The following NT5C2 variants were observed in gnomAD, a reference collection of about 807,000 sequenced individuals.
NT5C2 encodes cytosolic purine 5'-nucleotidase.
Under a neutral mutation model 76.1 loss-of-function variants are expected in NT5C2, and 58 were observed. The ratio of observed to expected loss-of-function variants is 0.76; its 90% confidence interval spans 0.62 to 0.95. The LOEUF (loss-of-function observed/expected upper bound fraction) is 0.95, where lower values mean the gene tolerates loss of function less well. NT5C2 is among the 40% of genes least tolerant of loss of function. NT5C2 has a pLI of 0.00. For synonymous variants in NT5C2, 229 were observed against 237.4 expected (o/e 0.96, Z 0.32); for missense variants, 478 against 690.3 (o/e 0.69, Z 3.45).
intron 4 of NT5C2, among the ~76,000 whole-genome samples, chr10:103,110,671 C>A (rs181528871): frequency 3.3e-4 from 51 of 152,292 alleles, no homozygotes; most frequent in Non-Finnish European, 6.5e-4. Flanking sequence ...CCTGACAACA[C>A]TATTTCATCA....
rs575014194 is a variant in NT5C2 at position 103,184,190 on chromosome 10, G to A, written c.-168-2862C>T. On this transcript the variant is annotated intron_variant, in intron 1 of 18. Coordinates refer to ENST00000404739, the MANE Select transcript of NT5C2 (RefSeq NM_001351169.2). The stretch of plus-strand genomic sequence containing the variant: ...TGGTCTCGAATTCCTGACCTCAAGT[G>A]ATCCACCTGCCTCCCAAAGTGCTGG... 5.3e-5 allele frequency among the ~76,000 whole-genome samples: 8 copies of A among 152,184 alleles called. No homozygotes were observed. The South Asian group carries it at 1.5e-3, about 28-fold the overall frequency.
chr10:103,124,806 G>A (rs1190443158), intron 4 of NT5C2, among the ~76,000 whole-genome samples: 1 of 150,884 alleles, frequency 6.6e-6, no homozygotes, highest in Non-Finnish European at 1.5e-5. Context: ...TCTAGAGTAA[G>A]GATAAAAGTA....
In NT5C2 at chr10:103,089,877, T is replaced by C. The variant is rs749191440; in HGVS notation, c.1481A>G (p.His494Arg). The C allele has an allele frequency of 6.2e-7, 1 of 1,612,082 alleles. No individual in the cohort carries two copies. ...AGACTCCATCTCATTGATATCTACG[T>C]GTGTGTGCTCCACCGTTGATTCATG... ...MPHESTVEHT[H>R]VDINEMESPL... The change falls in exon 19 of 19, where the codon CAC becomes CGC. Residue 494 changes from histidine to arginine, a missense_variant. Physicochemically the swap from His to Arg is conservative, Grantham distance 29. Coordinates refer to ENST00000404739, the MANE Select transcript of NT5C2 (RefSeq NM_001351169.2).
chr10:103,103,871 TGA>T, intron 6 of NT5C2, among the ~76,000 whole-genome samples: 1 of 152,314 alleles, frequency 6.6e-6, no homozygotes, highest in South Asian at 2.1e-4. Context: ...TTTATTTTTT[TGA>T]GATAGGGTCT....
Position 103,090,679 on chromosome 10 carries a change from A to G in NT5C2, c.1381T>C (p.Tyr461His). Reference protein sequence around the residue: ...ASQVMRYADLYAASFINLLYY... With the variant: ...ASQVMRYADLHAASFINLLYY... Reference sequence around the variant, plus strand: ...AGCAGGTTGATGAAAGATGCTGCATAGAGGTCAGCATAACGCATCACTTGA... The same window carrying G: ...AGCAGGTTGATGAAAGATGCTGCATGGAGGTCAGCATAACGCATCACTTGA... The change falls in exon 18 of 19, where the codon TAT becomes CAT. Residue 461 changes from tyrosine (Y) to histidine (H), a missense_variant. By Grantham distance (83) the Tyr-to-His change is moderately conservative (BLOSUM62 2). Coordinates refer to ENST00000404739, the MANE Select transcript of NT5C2 (RefSeq NM_001351169.2). 4 of 1,614,180 alleles carry G rather than the reference A, an allele frequency of 2.5e-6. No individual in the cohort carries two copies. Among genetic ancestry groups the G allele is most frequent in the Non-Finnish European group, 3.4e-6 (4 of 1,180,022 alleles).
intron 4 of NT5C2, among the ~76,000 whole-genome samples, chr10:103,118,528 A>AT (rs371868255): frequency 7.6e-4 from 116 of 151,980 alleles, no homozygotes; most frequent in African/African-American, 2.6e-3. Context: ...TAATTTTTGC[A>AT]TTTTTTGTAG....
chr10:103,190,716 GC>G (rs111244387), intron 1 of NT5C2, among the ~76,000 whole-genome samples: 2,189 of 152,242 alleles, frequency 0.014, 54 homozygotes, highest in African/African-American at 0.049. Flanking sequence ...AAGTATGACT[GC>G]CTTTACTGCT....
chr10:103,091,288 C>T (rs1051370107), intron 16 of NT5C2, among the ~76,000 whole-genome samples: 1 of 152,140 alleles, frequency 6.6e-6, no homozygotes, highest in African/African-American at 2.4e-5. Context: ...AACCCGCCTG[C>T]CTTGGCCTCC....
chr10:103,138,585 T>C (rs946421685), intron 4 of NT5C2, among the ~76,000 whole-genome samples: 2 of 152,194 alleles, frequency 1.3e-5, no homozygotes, highest in Admixed American at 1.3e-4. Context: ...TCTAGCTTCA[T>C]TCATGTCCCT....
intron 12 of NT5C2, 25 bp from the exon 13 acceptor site, chr10:103,094,480 T>C (rs552985660): frequency 4.0e-6 from 5 of 1,243,420 alleles, no homozygotes; most frequent in African/African-American, 1.5e-5. Context: ...ACAGCAAAAG[T>C]TGAAACATCA....
At chr10:103,109,320 A>G (rs1391514241) in intron 4 of NT5C2, among the ~76,000 whole-genome samples, 1 of 152,198 alleles carries the variant, frequency 6.6e-6, no homozygotes, top group East Asian at 1.9e-4. Context: ...TAATAGAGTA[A>G]GAGCTGGTGT....
rs147819307 is a variant in NT5C2 at position 103,144,154 on chromosome 10, C to T, written c.102-4675G>A. ...TAGCTCTAGAAACTAAATGTAACTA[C>T]TGAAGGCTTTTCAAACAGATTCTTA... On this transcript the variant is annotated intron_variant, in intron 3 of 18. Coordinates refer to ENST00000404739, the MANE Select transcript of NT5C2 (RefSeq NM_001351169.2). Among the ~76,000 whole-genome samples the T allele has an allele frequency of 4.9e-4, 74 of 152,260 alleles. 1 individual carries two copies. The highest frequency in any genetic ancestry group is 1.8e-3 in the African/African-American group (74 of 41,542).
At position 103,117,824 on chromosome 10, in the gene NT5C2, C is replaced by G. The variant is rs2074717831; in HGVS notation, c.176-11118G>C. On this transcript the variant is annotated intron_variant, in intron 4 of 18. Transcript: ENST00000404739. ...CCTCCCTGGTGGCACATGTTTGTTC[C>G]TCAACAGGTGATGAATTTAATTGAG... is the stretch of plus-strand genomic sequence containing the variant. Among the ~76,000 whole-genome samples the G allele has an allele frequency of 2.0e-5, 3 of 152,108 alleles. 1 individual carries two copies. The South Asian group carries it at 6.2e-4, about 32-fold the overall frequency.
chr10:103,135,690 A>G (rs2079056186), intron 4 of NT5C2, among the ~76,000 whole-genome samples: 1 of 152,108 alleles, frequency 6.6e-6, no homozygotes, highest in Non-Finnish European at 1.5e-5. Flanking sequence ...CAGGAGGCTG[A>G]GGCAGGAGAA....
chr10:103,178,771 A>C (rs1416412489), intron 2 of NT5C2, among the ~76,000 whole-genome samples: 1 of 148,060 alleles, frequency 6.8e-6, no homozygotes, highest in Non-Finnish European at 1.5e-5. Flanking sequence ...TGGAGGTTGC[A>C]ATGAGCTGAG....
chr10:103,174,814 A>G (rs1377347065), intron 3 of NT5C2, 44 bp downstream of exon 3: 1 of 1,261,560 alleles, frequency 7.9e-7, no homozygotes, highest in South Asian at 1.2e-5. Flanking sequence ...ATGAAGTCCC[A>G]CTTCATAGAG....
At chr10:103,096,844 T>TC (rs2068318284) in intron 11 of NT5C2, among the ~76,000 whole-genome samples, 1 of 39,984 alleles carries the variant, frequency 2.5e-5, no homozygotes, top group South Asian at 7.8e-4. Flanking sequence ...AGACTCTGTC[T>TC]CAAAAAAAAA....
rs970331988 is a variant in NT5C2 at position 103,191,356 on chromosome 10, T to C, written c.-169+1880A>G. Among the ~76,000 whole-genome samples the C allele has an allele frequency of 1.1e-4, 15 of 138,100 alleles. No homozygotes were observed. In the Admixed American group the frequency reaches 1.2e-3, roughly 11 times the overall value. The allele number at this position is 138,100 out of a possible 152,430, so 90.6% of individuals were successfully genotyped here. On this transcript the variant is annotated intron_variant, in intron 1 of 18. Coordinates refer to ENST00000404739, the MANE Select transcript of NT5C2 (RefSeq NM_001351169.2). Reference sequence around the variant, plus strand: ...AAGATCATGCCATTGCACTCCAGCCTGGCCAACAAGAGCAAAGCTCCGTCT... The same window carrying C: ...AAGATCATGCCATTGCACTCCAGCCCGGCCAACAAGAGCAAAGCTCCGTCT...
chr10:103,159,938 G>A (rs969672874), intron 3 of NT5C2, among the ~76,000 whole-genome samples: 7 of 152,068 alleles, frequency 4.6e-5, no homozygotes, highest in South Asian at 2.1e-4. Flanking sequence ...ATATAGAAGG[G>A]CACCAGAATA....
Sources: allele counts gnomAD v4.1 joint callset (sites outside exome capture counted in the v4.1 genomes callset), GRCh38; gene constraint gnomAD v4.1.1; transcripts MANE v1.5; gene names NCBI Gene and HGNC (gene_info 2026-07-23, HGNC 2026-07-21).